Variants in SYNJ1 observed in about 807,000 individuals in gnomAD.
SYNJ1 encodes synaptojanin 1.
SYNJ1 carries 78 observed loss-of-function variants against 168.2 expected under a neutral mutation model. The ratio of observed to expected loss-of-function variants is 0.46; its 90% CI spans 0.39 to 0.56. SYNJ1 has a LOEUF of 0.56. Ranked by LOEUF, SYNJ1 falls within the 20% of genes least tolerant of loss-of-function variation. SYNJ1 has a pLI of 0.00. For synonymous variants in SYNJ1, 539 were observed against 548.6 expected, an observed-to-expected ratio of 0.98 and a Z score of 0.24; for missense variants, 1,303 against 1,597.6, an observed-to-expected ratio of 0.82 and a Z score of 3.14.
intron 23 of SYNJ1, among the ~76,000 whole-genome samples, chr21:32,647,732 T>G (rs1032545847): frequency 1.3e-5 from 2 of 152,194 alleles, no homozygotes; most frequent in Non-Finnish European, 1.5e-5. Flanking sequence ...CTGCACTGAT[T>G]CCCCTGTTTA....
At chr21:32,728,204 A>C, upstream of SYNJ1, 2 of 790,362 alleles carry the variant, frequency 2.5e-6, no homozygotes, top group Non-Finnish European at 3.8e-6. Flanking sequence ...GCCCCCAGGC[A>C]GAGCTGCGAT....
chr21:32,682,229 C>T (rs569401790), intron 10 of SYNJ1, among the ~76,000 whole-genome samples: 147 of 152,198 alleles, frequency 9.7e-4, no homozygotes, highest in South Asian at 2.3e-3. Flanking sequence ...AAGGACCTCT[C>T]GGCTTCCACA....
At chr21:32,639,962 TCTGA>T (rs1277739068) in intron 29 of SYNJ1, among the ~76,000 whole-genome samples, 183 bp from the exon 30 acceptor site, 15 of 152,254 alleles carry the variant, frequency 9.9e-5, no homozygotes, top group South Asian at 2.1e-4. Context: ...CCTGTTTACT[TCTGA>T]CTATTTACTA....
intron 23 of SYNJ1, among the ~76,000 whole-genome samples, chr21:32,646,997 A>G (rs2040101127): frequency 6.6e-6 from 1 of 152,154 alleles, no homozygotes; most frequent in African/African-American, 2.4e-5. Flanking sequence ...CCTCAGAGTC[A>G]ACAAGCTCTC....
At chr21:32,694,137 C>A in intron 6 of SYNJ1, 91 bp downstream of exon 6, 1 of 831,358 alleles carries the variant, frequency 1.2e-6, no homozygotes, top group Non-Finnish European at 1.7e-6. Flanking sequence ...ATAATGGAAC[C>A]ATCAATGAAT....
At chr21:32,687,234 T>G (rs2041866934) in intron 7 of SYNJ1, among the ~76,000 whole-genome samples, 160 bp from the exon 8 acceptor site, 1 of 152,174 alleles carries the variant, frequency 6.6e-6, no homozygotes, top group Non-Finnish European at 1.5e-5. Context: ...AAAGCCGAAT[T>G]TACGAAAACT....
At chr21:32,697,761 A>T (rs2146198734) in intron 4 of SYNJ1, among the ~76,000 whole-genome samples, 1 of 152,374 alleles carries the variant, frequency 6.6e-6, no homozygotes, top group African/African-American at 2.4e-5. Context: ...AGATCGCGCC[A>T]CTGCGCTCCA....
chr21:32,657,651 T>A, intron 19 of SYNJ1, 65 bp downstream of exon 19: 1 of 1,436,472 alleles, frequency 7.0e-7, no homozygotes, highest in Non-Finnish European at 9.3e-7. Flanking sequence ...TTTGATATTA[T>A]GTCATTCCCT....
intron 32 of SYNJ1, among the ~76,000 whole-genome samples, chr21:32,634,586 C>G (rs546411667): frequency 6.6e-6 from 1 of 152,230 alleles, no homozygotes; most frequent in East Asian, 1.9e-4. Context: ...ATACCTAAAT[C>G]TTACTTTCTT....
chr21:32,690,050 T>C (rs1238191185), intron 6 of SYNJ1, among the ~76,000 whole-genome samples: 2 of 152,208 alleles, frequency 1.3e-5, no homozygotes, highest in African/African-American at 2.4e-5. Context: ...TTATTTTGCA[T>C]AGTACTGCAA....
chr21:32,630,110 T>C lies in SYNJ1; in HGVS notation c.*1695A>G, dbSNP rs756991215. On this transcript the variant is annotated 3_prime_UTR_variant, in exon 33 of 33. Coordinates refer to ENST00000674351, the MANE Select transcript of SYNJ1 (RefSeq NM_203446.3). ...ATATTTCTCATTGAACTTGGTGGTA[T>C]GTGCCTTCCCTGCATATAAGGCCAT... The C allele has an allele frequency of 5.3e-5, 8 of 152,224 alleles. No homozygotes were observed. The highest frequency in any genetic ancestry group is 8.8e-5 in the Non-Finnish European group (6 of 68,038). 9.4% of individuals were successfully genotyped at this position (152,224 alleles called of 1,614,324 possible). A position where few individuals can be genotyped will look rare whatever the true frequency, so the allele number is the denominator to read the frequency against.
rs2042153914 is a variant in SYNJ1, at chr21:32,695,038, T to C, written c.705+19A>G. On this transcript the variant is annotated intron_variant, in intron 5 of 32. Transcript: ENST00000674351. ...CTCCTATAATAAATTAATTAAGTAA[T>C]ATAAAACACTATATATACCTGTTCT... The C allele has an allele frequency of 1.9e-6, 3 of 1,600,698 alleles. No individual in the cohort carries two copies. In the South Asian group the frequency reaches 3.4e-5, roughly 18 times the overall value.
In SYNJ1 at chr21:32,643,435, A is replaced by G; in HGVS notation, c.3453T>C (p.Pro1151=). 6.2e-7 allele frequency: 1 copy of G among 1,613,832 alleles called. No individual in the cohort carries two copies. Among genetic ancestry groups the G allele is most frequent in the South Asian group, 1.1e-5 (1 of 91,046 alleles). ...CTTCCATCTCTCTCCTAGCTACCCC[A>G]GGACTGGGAGGGGCTCCAATACCTT... The part of the protein sequence containing the change: ...EFGGIGAPPS[P]GVARREMEAP... The change falls in exon 27 of 33, where the codon CCT becomes CCC. Residue 1151 remains proline (P), a synonymous_variant. Coordinates refer to ENST00000674351, the MANE Select transcript of SYNJ1 (RefSeq NM_203446.3).
intron 2 of SYNJ1, among the ~76,000 whole-genome samples, chr21:32,716,012 C>T (rs997944165): frequency 6.6e-6 from 1 of 152,254 alleles, no homozygotes; most frequent in East Asian, 1.9e-4. Flanking sequence ...TGCTCACATA[C>T]GTAACACTAC....
intron 29 of SYNJ1, among the ~76,000 whole-genome samples, chr21:32,640,629 G>A (rs1163468503): frequency 6.6e-6 from 1 of 151,990 alleles, no homozygotes; most frequent in Non-Finnish European, 1.5e-5. Context: ...GTCTTGCTAT[G>A]TTGCTCCAGC....
intron 10 of SYNJ1, among the ~76,000 whole-genome samples, chr21:32,683,419 C>T (rs1353956600): frequency 6.6e-6 from 1 of 151,846 alleles, no homozygotes; most frequent in Non-Finnish European, 1.5e-5. Context: ...TTCTCACTAA[C>T]TATGGCATTT....
chr21:32,700,382 C>T (rs1344839168), intron 3 of SYNJ1, among the ~76,000 whole-genome samples: 2 of 152,102 alleles, frequency 1.3e-5, no homozygotes, highest in Non-Finnish European at 1.5e-5. Flanking sequence ...TGGCTGGGTG[C>T]GGTGGCTCAC....
Position 32,700,098 on chromosome 21 carries a change from A to G in SYNJ1, c.219T>C (p.Thr73=), listed in dbSNP as rs770547278. ...LGVLRLNLGD[T]MLHYLVLVTG... is the part of the protein sequence containing the mutation. ...TGACTAGGACCAGATAATGTAACAT[A>G]GTATCACCTGCAAAACCCAAAGATT... The change falls in exon 4 of 33, where the codon ACT becomes ACC. Residue 73 remains threonine (T), a synonymous_variant. Transcript: ENST00000674351. 4 of 1,596,368 alleles carry G rather than the reference A, an allele frequency of 2.5e-6. No individual in the cohort carries two copies. The highest frequency in any genetic ancestry group is 3.4e-6 in the Non-Finnish European group (4 of 1,169,810).
At chr21:32,723,747 G>A (rs953677568) in intron 2 of SYNJ1, among the ~76,000 whole-genome samples, 1 of 152,128 alleles carries the variant, frequency 6.6e-6, no homozygotes, top group African/African-American at 2.4e-5. Context: ...ATTGAGCCCG[G>A]GAGTTCCAGG....
Sources: allele counts gnomAD v4.1 joint callset (sites outside exome capture counted in the v4.1 genomes callset), GRCh38; gene constraint gnomAD v4.1.1; transcripts MANE v1.5; gene names NCBI Gene and HGNC (gene_info 2026-07-23, HGNC 2026-07-21).